CHD9: variants seen among roughly 807,000 people sequenced by gnomAD.
CHD9 encodes the protein ATP-dependent chromatin remodeler CHD9.
Under a neutral mutation model 316.1 loss-of-function variants are expected in CHD9, and 77 were observed. That is an observed-to-expected ratio of 0.24 (90% CI 0.20 to 0.29). The LOEUF (loss-of-function observed/expected upper bound fraction) is 0.29, where lower values mean the gene tolerates loss of function less well. CHD9 is among the 10% of genes least tolerant of loss of function. The pLI is 1.00. For synonymous variants in CHD9, 1,129 were observed against 1,158.3 expected (o/e 0.97, Z 0.51); for missense variants, 2,763 against 3,438.1 (o/e 0.80, Z 4.91).
Position 53,321,552 on chromosome 16 carries a change from G to A in CHD9, c.7740G>A (p.Leu2580=). 6.5e-7 allele frequency: 1 copy of A among 1,549,808 alleles called. No individual in the cohort carries two copies. The highest frequency in any genetic ancestry group is 8.8e-7 in the Non-Finnish European group (1 of 1,142,420). ...TTGGAGGTGCATTTGCTCCCCCTTT[G>A]AAAGATTTATGTAGATTCCTAAAAG... ...RKVGGAFAPP[L]KDLCRFLKEN... Residue 2580 remains leucine, a synonymous_variant, in exon 38 of 39, where the codon TTG becomes TTA. Transcript: ENST00000447540.
chr16:53,161,372 G>A (rs1567401475), intron 2 of CHD9, among the ~76,000 whole-genome samples: 1 of 152,122 alleles, frequency 6.6e-6, no homozygotes, highest in Admixed American at 6.5e-5. Flanking sequence ...TGCATGTTCT[G>A]TATAGTTATG....
intron 2 of CHD9, among the ~76,000 whole-genome samples, chr16:53,204,884 C>T (rs2045775497): frequency 6.6e-6 from 1 of 152,074 alleles, no homozygotes; most frequent in Non-Finnish European, 1.5e-5. Flanking sequence ...CGCTCTGTTG[C>T]CCAGGCTAGA....
intron 1 of CHD9, among the ~76,000 whole-genome samples, chr16:53,088,424 C>G (rs992836717): frequency 2.0e-5 from 3 of 151,834 alleles, no homozygotes; most frequent in African/African-American, 7.3e-5. Context: ...ACTACAGATG[C>G]CTGCCACCAC....
intron 16 of CHD9, among the ~76,000 whole-genome samples, chr16:53,249,316 G>T (rs577590095): frequency 4.6e-5 from 7 of 152,054 alleles, no homozygotes; most frequent in Non-Finnish European, 1.0e-4. Context: ...ATTTTTATTT[G>T]ATGTCTTGCA....
chr16:53,178,427 C>CTTTTTTTTTTTTT (rs10569589), intron 2 of CHD9, among the ~76,000 whole-genome samples: 7 of 98,974 alleles, frequency 7.1e-5, no homozygotes, highest in Non-Finnish European at 8.2e-5. Context: ...TTGTTGGTTT[C>CTTTTTTTTTTTTT]TTTTTTTTTT....
At chr16:53,307,520 C>T (rs143718817) in intron 32 of CHD9, among the ~76,000 whole-genome samples, 161 bp from the exon 33 acceptor site, 166 of 152,252 alleles carry the variant, frequency 1.1e-3, no homozygotes, top group Non-Finnish European at 1.9e-3. Context: ...ACTCAAATAA[C>T]TTGTTGCAGA....
At position 53,100,453 on chromosome 16, in the gene CHD9, C is replaced by CTTTTTTTTT. The variant is rs61450186; in HGVS notation, c.-165+45385_-165+45393dup. On this transcript the variant is annotated intron_variant, in intron 1 of 38. Coordinates refer to ENST00000447540, the MANE Select transcript of CHD9 (RefSeq NM_001308319.2). ...GCACTCTGAATTTAGACTCATTCGT[C>CTTTTTTTTT]TTTTTTTTTTTTTTTTTCCAAAAGA... Among the ~76,000 whole-genome samples, 969 of 129,430 alleles carry CTTTTTTTTT rather than the reference C, an allele frequency of 7.5e-3. 14 individuals are homozygous for CTTTTTTTTT. Among genetic ancestry groups the CTTTTTTTTT allele is most frequent in the Middle Eastern group, 0.012 (3 of 248 alleles). The allele number at this position is 129,430 out of a possible 152,430, so 84.9% of individuals were successfully genotyped here. A position where few individuals can be genotyped will look rare whatever the true frequency, so the allele number is the denominator to read the frequency against.
At chr16:53,173,664 C>A (rs2042921756) in intron 2 of CHD9, among the ~76,000 whole-genome samples, 1 of 152,058 alleles carries the variant, frequency 6.6e-6, no homozygotes, top group Non-Finnish European at 1.5e-5. Context: ...CCTGCCTCAG[C>A]CTCCAGAGTA....
intron 19 of CHD9, among the ~76,000 whole-genome samples, chr16:53,256,527 TA>T (rs1309931166): frequency 6.6e-6 from 1 of 151,436 alleles, no homozygotes; most frequent in African/African-American, 2.4e-5. Flanking sequence ...TTCGCCATGT[TA>T]GCCAGTCTGG....
At chr16:53,114,649 G>A (rs958106020) in intron 1 of CHD9, among the ~76,000 whole-genome samples, 2 of 151,892 alleles carry the variant, frequency 1.3e-5, no homozygotes, top group Admixed American at 6.6e-5. Context: ...GTGCAGTGGC[G>A]CAATCTCGGC....
chr16:53,296,156 A>G (rs922725350), intron 29 of CHD9, among the ~76,000 whole-genome samples: 1 of 152,138 alleles, frequency 6.6e-6, no homozygotes, highest in Non-Finnish European at 1.5e-5. Flanking sequence ...GTCAAGTCTG[A>G]ACTGATCCTT....
At position 53,156,658 on chromosome 16, in the gene CHD9, A is replaced by C; in HGVS notation, c.569A>C (p.Gln190Pro). ...AACAGAAATAATCTCAACCCAGGGCAGAATTCTCTTAGCCAGTCTAAAAAT... is the reference window on the plus strand; with the variant it reads ...AACAGAAATAATCTCAACCCAGGGCCGAATTCTCTTAGCCAGTCTAAAAAT... ...QQNRNNLNPG[Q>P]NSLSQSKNFM... The change falls in exon 2 of 39, where the codon CAG (glutamine) becomes CCG (proline). Residue 190 changes from glutamine to proline, a missense_variant. Physicochemically the swap from Gln to Pro is moderately conservative, Grantham distance 76. Around this residue, in one of 15 missense-constraint regions of CHD9, gnomAD observed 859 missense variants for 890.4 expected, o/e 0.96. Transcript: ENST00000447540. The C allele has an allele frequency of 6.2e-7, 1 of 1,613,992 alleles. No homozygotes were observed.
chr16:53,226,527 G>A lies in CHD9; in HGVS notation c.2043+15G>A. ...AATTGTTTGTGGTAAGCATATTTGG[G>A]ATTATGACTGCAAAACATTTTAAAC... On this transcript the variant is annotated intron_variant, in intron 5 of 38. Coordinates refer to ENST00000447540, the MANE Select transcript of CHD9 (RefSeq NM_001308319.2). 1 of 1,585,498 alleles carries A rather than the reference G, an allele frequency of 6.3e-7. No individual in the cohort carries two copies.
At position 53,245,965 on chromosome 16, in the gene CHD9, T is replaced by C. The variant is rs979568473; in HGVS notation, c.3454+115T>C. On this transcript the variant is annotated intron_variant, in intron 15 of 38. Transcript: ENST00000447540. This position sits in a 1 kb window ranked among gnomAD's most constrained non-coding sequence, Gnocchi z 4.1. ...GTTATGACTCTCCACTGTGATATTC[T>C]AAGGAATTACAAGTGTTACAGAATC... The C allele has an allele frequency of 1.4e-6, 1 of 708,830 alleles. No individual in the cohort carries two copies. The highest frequency in any genetic ancestry group is 2.1e-6 in the Non-Finnish European group (1 of 479,578). 43.9% of individuals were successfully genotyped at this position (708,830 alleles called of 1,614,324 possible). A position where few individuals can be genotyped will look rare whatever the true frequency, so the allele number is the denominator to read the frequency against.
Position 53,286,250 on chromosome 16 carries a change from G to A in CHD9, c.5096G>A (p.Arg1699Gln), listed in dbSNP as rs757869641. 3 of 1,610,326 alleles carry A rather than the reference G, an allele frequency of 1.9e-6. No homozygotes were observed. Among genetic ancestry groups the A allele is most frequent in the Non-Finnish European group, 2.5e-6 (3 of 1,176,980 alleles). The change falls in exon 26 of 39, where the codon CGA becomes CAA. Residue 1699 changes from arginine (R) to glutamine (Q), a missense_variant. Transcript: ENST00000447540. ...GGATATGAAAAATATAACACTATTC[G>A]AGCAGACCCAGCATTATGCTTCTTG... ...KHGYEKYNTI[R>Q]ADPALCFLER...
At chr16:53,172,860 A>G (rs1325404051) in intron 2 of CHD9, among the ~76,000 whole-genome samples, 1 of 152,060 alleles carries the variant, frequency 6.6e-6, no homozygotes, top group Non-Finnish European at 1.5e-5. Context: ...CACTTACAAA[A>G]TTGGGTTGTT....
rs2057450858 is a variant in CHD9, at chr16:53,324,305, G to A, written c.8104G>A (p.Gly2702Arg). The A allele has an allele frequency of 6.2e-7, 1 of 1,613,876 alleles. No homozygotes were observed. Among genetic ancestry groups the A allele is most frequent in the African/African-American group, 1.3e-5 (1 of 74,934 alleles). ...MGMPTGLPSGGEAKNMAAMFP... is the reference protein window; with the variant it reads ...MGMPTGLPSGREAKNMAAMFP... ...AATGCCTACCGGCCTTCCTTCTGGA[G>A]GAGAAGCTAAAAACATGGCTGCTAT... The change falls in exon 39 of 39, where the codon GGA becomes AGA. Residue 2702 changes from glycine (G) to arginine (R), a missense_variant. Physicochemically the swap from Gly to Arg is moderately radical, Grantham distance 125. Around this residue, in one of 15 missense-constraint regions of CHD9, gnomAD observed 298 missense variants for 380.2 expected, o/e 0.78. Coordinates refer to ENST00000447540, the MANE Select transcript of CHD9 (RefSeq NM_001308319.2).
chr16:53,125,149 T>A (rs931023623), intron 1 of CHD9, among the ~76,000 whole-genome samples: 4 of 152,174 alleles, frequency 2.6e-5, no homozygotes, highest in Non-Finnish European at 5.9e-5. Context: ...TAAGTGCTCT[T>A]TATATATTCT....
intron 30 of CHD9, among the ~76,000 whole-genome samples, chr16:53,299,994 G>A (rs981543568): frequency 5.3e-5 from 8 of 152,188 alleles, no homozygotes; most frequent in African/African-American, 1.7e-4. Context: ...CACATTAGAA[G>A]ACAAACACCT....
Sources: gnomAD v4.1 joint callset for allele counts (sites outside exome capture counted in the v4.1 genomes callset) on GRCh38, gnomAD v4.1.1 for gene constraint, gnomAD v4.1.1 regional missense constraint, Gnocchi (gnomAD v3.1) non-coding constraint, MANE v1.5 for transcripts, NCBI Gene and HGNC (gene_info 2026-07-23, HGNC 2026-07-21) for gene names.